DOCK1: variants seen among roughly 807,000 people sequenced by gnomAD.
DOCK1 encodes dedicator of cytokinesis 1.
In DOCK1, 138 loss-of-function variants were observed where a neutral mutation model predicts 262.7. The ratio of observed to expected loss-of-function variants is 0.53; its 90% CI spans 0.46 to 0.61. The LOEUF (loss-of-function observed/expected upper bound fraction) is 0.61, where lower values mean the gene tolerates loss of function less well. DOCK1 is among the 20% of genes least tolerant of loss of function. DOCK1 has a pLI of 0.00. For synonymous variants in DOCK1, 866 were observed against 867.4 expected, an observed-to-expected ratio of 1.00 and a Z score of 0.03; for missense variants, 1,908 against 2,370.7, an observed-to-expected ratio of 0.80 and a Z score of 4.05.
chr10:127,336,769 G>A (rs944483776), intron 29 of DOCK1, among the ~76,000 whole-genome samples: 22 of 152,092 alleles, frequency 1.4e-4, no homozygotes, highest in Admixed American at 1.2e-3. Flanking sequence ...TCAATCTCCT[G>A]ACCTCGTGAT....
intron 38 of DOCK1, among the ~76,000 whole-genome samples, chr10:127,389,218 C>G (rs2066322824): frequency 6.6e-6 from 1 of 152,146 alleles, no homozygotes; most frequent in African/African-American, 2.4e-5. Context: ...AGTAGAAGCT[C>G]GAAGTGTGAT....
chr10:126,911,809 A>G (rs2031809181), intron 1 of DOCK1, among the ~76,000 whole-genome samples: 1 of 152,192 alleles, frequency 6.6e-6, no homozygotes, highest in African/African-American at 2.4e-5. Context: ...AAACATTGTT[A>G]TGCAAATGGA....
chr10:127,146,312 C>G (rs775826793), intron 27 of DOCK1, among the ~76,000 whole-genome samples: 12 of 152,130 alleles, frequency 7.9e-5, no homozygotes, highest in Non-Finnish European at 1.3e-4. Context: ...GTTTTAGTTA[C>G]AGTTAATGGC....
chr10:127,028,905 G>A (rs1057168981), intron 16 of DOCK1, among the ~76,000 whole-genome samples: 5 of 152,238 alleles, frequency 3.3e-5, no homozygotes, highest in Non-Finnish European at 5.9e-5. Context: ...AGGGCTCCAC[G>A]CATATATCAC....
At chr10:127,389,172 C>T (rs982155919) in intron 38 of DOCK1, among the ~76,000 whole-genome samples, 1 of 152,140 alleles carries the variant, frequency 6.6e-6, no homozygotes, top group African/African-American at 2.4e-5. Context: ...GTGGGGAATC[C>T]CACCAGGTGG....
At chr10:127,300,019 C>T (rs1179468234) in intron 29 of DOCK1, among the ~76,000 whole-genome samples, 1 of 152,186 alleles carries the variant, frequency 6.6e-6, no homozygotes, top group African/African-American at 2.4e-5. Flanking sequence ...ATTCAGCCTT[C>T]CCATGTGAGT....
chr10:127,299,858 C>G lies in DOCK1; in HGVS notation c.3045-39148C>G, dbSNP rs185909106. Among the ~76,000 whole-genome samples the G allele has an allele frequency of 2.2e-4, 34 of 152,294 alleles. No homozygotes were observed. In the East Asian group the frequency reaches 5.4e-3, roughly 24 times the overall value. On this transcript the variant is annotated intron_variant, in intron 29 of 51. Transcript: ENST00000623213. Reference sequence around the variant, plus strand: ...TGTTGGAGCCCATTCTTGCCTCAACCTAGTGAAATCAAACCTTGCATCCTT... The same window carrying G: ...TGTTGGAGCCCATTCTTGCCTCAACGTAGTGAAATCAAACCTTGCATCCTT...
intron 1 of DOCK1, among the ~76,000 whole-genome samples, chr10:126,945,705 C>G: frequency 6.6e-6 from 1 of 152,274 alleles, no homozygotes; most frequent in Middle Eastern, 3.4e-3. Flanking sequence ...TTGCTGCCAC[C>G]GGCCTCTTTT....
In DOCK1 at chr10:126,996,731, A is replaced by AAT; in HGVS notation, c.474-16_474-15dup. On this transcript the variant is annotated splice_polypyrimidine_tract_variant and intron_variant, in intron 6 of 51. Transcript: ENST00000623213. ...TTGGTCTATGTCTGTGAACTTACTA[A>AAT]ATTCTTGTTGTTCTAGAATTCTAGA... 6.2e-7 allele frequency: 1 copy of AAT among 1,600,210 alleles called. No individual in the cohort carries two copies.
chr10:127,009,338 A>G (rs1166136971), intron 11 of DOCK1, among the ~76,000 whole-genome samples: 2 of 152,188 alleles, frequency 1.3e-5, no homozygotes, highest in Non-Finnish European at 2.9e-5. Context: ...TGAAGTCTTT[A>G]AAGAGGCACG....
intron 39 of DOCK1, among the ~76,000 whole-genome samples, 190 bp downstream of exon 39, chr10:127,403,334 T>A (rs2067331977): frequency 6.6e-6 from 1 of 152,236 alleles, no homozygotes; most frequent in Non-Finnish European, 1.5e-5. Context: ...AAATATTTAC[T>A]TTTTAGTCCC....
Position 127,343,723 on chromosome 10 carries a change from C to T in DOCK1, c.3201C>T (p.Ala1067=). The change falls in exon 31 of 52, where the codon GCC becomes GCT. Residue 1067 remains alanine, a synonymous_variant. Coordinates refer to ENST00000623213, the MANE Select transcript of DOCK1 (RefSeq NM_001290223.2). ...ESLQLENFSS[A]KRAKILNKYG... The stretch of plus-strand genomic sequence containing the variant: ...TGCAACTGGAGAATTTTTCAAGTGC[C>T]AAGAGAGCCAAAATCCTTAACAAGT... The T allele has an allele frequency of 6.2e-7, 1 of 1,608,946 alleles. No individual in the cohort carries two copies. Among genetic ancestry groups the T allele is most frequent in the Non-Finnish European group, 8.5e-7 (1 of 1,177,748 alleles).
Position 127,176,084 on chromosome 10 carries a change from G to A in DOCK1, c.2847+48320G>A, listed in dbSNP as rs200747773. 5.5e-4 allele frequency: 889 copies of A among 1,614,146 alleles called. 12 individuals are homozygous for A. The South Asian group carries it at 9.3e-3, about 17-fold the overall frequency. On this transcript the variant is annotated intron_variant, in intron 27 of 51. Transcript: ENST00000623213. The surrounding 1 kb of genome is among the most constrained non-coding windows in gnomAD (Gnocchi z 4.4). ...TCTTAAGGTCGGGCGAGGTCTGCAC[G>A]CCTGTGCTCTTGGTGACGTTGGGGA...
At chr10:127,138,290 A>G (rs1333851313) in intron 27 of DOCK1, among the ~76,000 whole-genome samples, 1 of 152,178 alleles carries the variant, frequency 6.6e-6, no homozygotes, top group African/African-American at 2.4e-5. Flanking sequence ...GTATTTGTGG[A>G]AATGAAAAAT....
At chr10:127,400,366 G>A (rs2067149283) in intron 38 of DOCK1, among the ~76,000 whole-genome samples, 3 of 152,184 alleles carry the variant, frequency 2.0e-5, no homozygotes, top group Admixed American at 6.5e-5. Context: ...TCAGTGCCAT[G>A]GGTGACCCAG....
intron 16 of DOCK1, 123 bp downstream of exon 16, chr10:127,026,547 C>T (rs1057092619): frequency 1.4e-5 from 12 of 853,752 alleles, no homozygotes; most frequent in East Asian, 2.7e-5. Flanking sequence ...CATTTCCCAC[C>T]GGAACCTATT....
intron 31 of DOCK1, among the ~76,000 whole-genome samples, chr10:127,344,880 G>T (rs2135770457): frequency 6.6e-6 from 1 of 152,184 alleles, no homozygotes; most frequent in Middle Eastern, 3.4e-3. Context: ...CAAAAAAAAA[G>T]AGAAGAAAGA....
At chr10:127,261,262 GGT>G (rs372749900) in intron 29 of DOCK1, among the ~76,000 whole-genome samples, 3,441 of 84,696 alleles carry the variant, frequency 0.041, 195 homozygotes, top group East Asian at 0.065. Context: ...TGTGCATGTG[GGT>G]GTGTGTGTGT....
chr10:126,919,305 A>G (rs2032928159), intron 1 of DOCK1, among the ~76,000 whole-genome samples: 1 of 152,222 alleles, frequency 6.6e-6, no homozygotes, highest in African/African-American at 2.4e-5. Context: ...TGACTTCACC[A>G]GAGGCAAATA....
Sources: gnomAD v4.1 joint callset for allele counts (sites outside exome capture counted in the v4.1 genomes callset) on GRCh38, gnomAD v4.1.1 for gene constraint, Gnocchi (gnomAD v3.1) non-coding constraint, MANE v1.5 for transcripts, NCBI Gene and HGNC (gene_info 2026-07-23, HGNC 2026-07-21) for gene names.